Variants in TNR observed in about 807,000 individuals in gnomAD.
TNR encodes the protein tenascin R, also known as tenascin-R.
TNR carries 45 observed loss-of-function variants against 150.4 expected under a neutral mutation model. The observed-to-expected ratio is 0.30, with a 90% CI of 0.24 to 0.38. The LOEUF is 0.38. Ranked by LOEUF, TNR falls within the 10% of genes least tolerant of loss-of-function variation. The pLI, the probability that TNR is intolerant of heterozygous loss-of-function variation, is 1.00. For missense variants in TNR, 1,544 were observed against 1,759.1 expected (o/e 0.88, Z 2.19); for synonymous variants, 687 against 678.4 (o/e 1.01, Z -0.20).
rs140276426 is a variant in TNR, at chr1:175,322,844, A to G, written c.*513T>C. On this transcript the variant is annotated 3_prime_UTR_variant, in exon 23 of 23. Coordinates refer to ENST00000367674, the MANE Select transcript of TNR (RefSeq NM_003285.3). ...AGGGAGGAAGGAAGGAAGGAAGGAA[A>G]AGAACCTGGGTTGTTGGGATGCGGT... 1 of 148,534 alleles carries G rather than the reference A, an allele frequency of 6.7e-6. No individual in the cohort carries two copies. Among genetic ancestry groups the G allele is most frequent in the East Asian group, 1.9e-4 (1 of 5,182 alleles). The allele number at this position is 148,534 out of a possible 1,614,324, so 9.2% of individuals were successfully genotyped here.
intron 20 of TNR, among the ~76,000 whole-genome samples, chr1:175,331,055 T>TTCCTTC (rs1553203342): frequency 1.3e-4 from 15 of 117,256 alleles, no homozygotes; most frequent in Admixed American, 9.0e-4. Context: ...CTTTCTTTCT[T>TTCCTTC]TCTTTCTTTC....
At chr1:175,347,953 G>T (rs1450529935) in intron 18 of TNR, among the ~76,000 whole-genome samples, 1 of 151,954 alleles carries the variant, frequency 6.6e-6, no homozygotes, top group African/African-American at 2.4e-5. Flanking sequence ...AGAATTAGAA[G>T]TATAGAAATA....
chr1:175,521,036 C>A (rs968106185), intron 2 of TNR, among the ~76,000 whole-genome samples: 5 of 152,128 alleles, frequency 3.3e-5, no homozygotes, highest in Non-Finnish European at 5.9e-5. Context: ...GACAACCTGG[C>A]AGAACCGGTG....
chr1:175,653,179 C>T (rs1226483912), intron 1 of TNR, among the ~76,000 whole-genome samples: 1 of 152,132 alleles, frequency 6.6e-6, no homozygotes, highest in Non-Finnish European at 1.5e-5. Flanking sequence ...TCTAGAGAAA[C>T]TTTTATACAA....
At chr1:175,334,392 A>C (rs1371973162) in intron 20 of TNR, among the ~76,000 whole-genome samples, 2 of 152,178 alleles carry the variant, frequency 1.3e-5, no homozygotes, top group African/African-American at 4.8e-5. Flanking sequence ...AGACTAACGA[A>C]AGGCCAAGAG....
intron 1 of TNR, among the ~76,000 whole-genome samples, chr1:175,661,484 G>A (rs1406380196): frequency 1.3e-5 from 2 of 152,170 alleles, no homozygotes; most frequent in East Asian, 3.9e-4. Flanking sequence ...CCGGGGCAAT[G>A]GGTTTGGGTT....
intron 1 of TNR, among the ~76,000 whole-genome samples, chr1:175,530,491 TG>T (rs1660020440): frequency 6.6e-6 from 1 of 152,182 alleles, no homozygotes; most frequent in Non-Finnish European, 1.5e-5. Context: ...CTCAGTTGGG[TG>T]GTGTCTCAAA....
chr1:175,530,078 TA>T (rs1482391670), intron 1 of TNR, among the ~76,000 whole-genome samples: 1 of 152,190 alleles, frequency 6.6e-6, no homozygotes, highest in African/African-American at 2.4e-5. Flanking sequence ...AAAGTCAATA[TA>T]AAAATGTATG....
intron 1 of TNR, among the ~76,000 whole-genome samples, chr1:175,591,390 G>A (rs1662791776): frequency 6.6e-6 from 1 of 152,176 alleles, no homozygotes; most frequent in South Asian, 2.1e-4. Flanking sequence ...TGAGACCCTG[G>A]CACTTCAAAC....
intron 2 of TNR, among the ~76,000 whole-genome samples, chr1:175,457,964 AAGTG>A: frequency 6.6e-6 from 1 of 152,376 alleles, no homozygotes; most frequent in South Asian, 2.1e-4. Context: ...TCTGAATAGA[AAGTG>A]AGTATCGTTA....
intron 17 of TNR, 47 bp downstream of exon 17, chr1:175,355,456 G>A: frequency 6.2e-7 from 1 of 1,600,884 alleles, no homozygotes; most frequent in Non-Finnish European, 8.5e-7. Flanking sequence ...TTTCCACATG[G>A]CCTCACTTGG....
At chr1:175,333,837 G>T (rs1233217254) in intron 20 of TNR, among the ~76,000 whole-genome samples, 2 of 152,236 alleles carry the variant, frequency 1.3e-5, no homozygotes, top group African/African-American at 4.8e-5. Context: ...AAGGTGCTTA[G>T]CTGTGTCTCT....
intron 2 of TNR, among the ~76,000 whole-genome samples, chr1:175,470,438 G>A (rs147877606): frequency 7.9e-4 from 121 of 152,260 alleles, no homozygotes; most frequent in African/African-American, 2.8e-3. Flanking sequence ...GAGCAGAAGT[G>A]TGCCTCCTCC....
intron 2 of TNR, among the ~76,000 whole-genome samples, chr1:175,503,021 A>C (rs181460337): frequency 1.3e-5 from 2 of 148,960 alleles, no homozygotes; most frequent in Admixed American, 1.3e-4. Flanking sequence ...GCATATGCTC[A>C]TCCCAACCCT....
intron 17 of TNR, among the ~76,000 whole-genome samples, chr1:175,354,865 C>T (rs1651245418): frequency 6.6e-6 from 1 of 152,220 alleles, no homozygotes; most frequent in Non-Finnish European, 1.5e-5. Flanking sequence ...ATCAAGCAGA[C>T]TAACTCTGCT....
chr1:175,735,208 A>G (rs1276524549), intron 1 of TNR, among the ~76,000 whole-genome samples: 1 of 152,110 alleles, frequency 6.6e-6, no homozygotes, highest in East Asian at 1.9e-4. Flanking sequence ...CTCTCCTCCC[A>G]GCACCTGGAT....
intron 2 of TNR, among the ~76,000 whole-genome samples, chr1:175,480,419 AAAAGAAAG>A (rs200828309): frequency 4.5e-5 from 5 of 110,934 alleles, no homozygotes; most frequent in African/African-American, 1.4e-4. Context: ...AAAGAAAGAA[AAAAGAAAG>A]AAAGAAAGAA....
At chr1:175,704,385 A>T (rs1273146157) in intron 1 of TNR, among the ~76,000 whole-genome samples, 1 of 152,232 alleles carries the variant, frequency 6.6e-6, no homozygotes, top group Non-Finnish European at 1.5e-5. Context: ...TGGATCTGGA[A>T]AGCTTGGTGG....
At chr1:175,650,927 C>CCTCATTACTCCTCCTCCCCAT (rs1664960337) in intron 1 of TNR, among the ~76,000 whole-genome samples, 2 of 4,316 alleles carry the variant, frequency 4.6e-4, no homozygotes, top group African/African-American at 1.2e-3. Context: ...CCCCTCCCCA[C>CCTCATTACTCCTCCTCCCCAT]CTCATTACTA....
Sources: allele counts gnomAD v4.1 joint callset (sites outside exome capture counted in the v4.1 genomes callset), GRCh38; gene constraint gnomAD v4.1.1; transcripts MANE v1.5; gene names NCBI Gene and HGNC (gene_info 2026-07-23, HGNC 2026-07-21).